Variants in STON2 observed in about 807,000 individuals in gnomAD.
STON2 encodes stonin-2.
Under a neutral mutation model 65.7 loss-of-function variants are expected in STON2, and 29 were observed. The observed-to-expected ratio is 0.44, with a 90% confidence interval of 0.33 to 0.60. The LOEUF (loss-of-function observed/expected upper bound fraction) is 0.60, where lower values mean the gene tolerates loss of function less well. Among genes scored for constraint, STON2 ranks in the 20% least tolerant of loss-of-function variants. The pLI, the probability that STON2 is intolerant of heterozygous loss-of-function variation, is 0.03. For synonymous variants in STON2, 404 were observed against 414.2 expected (o/e 0.98, Z 0.30); for missense variants, 1,054 against 1,118.1 (o/e 0.94, Z 0.82).
In STON2 at chr14:81,279,505, G is replaced by A. The variant is rs114816970; in HGVS notation, c.743-766C>T. On this transcript the variant is annotated intron_variant, in intron 5 of 7. Coordinates refer to ENST00000614646, the MANE Select transcript of STON2 (RefSeq NM_001394390.1). ...GGAATTCGGCACCAGCCTGGCCAAC[G>A]TGGTGAAACCCAATGTCTACTAAAA... Among the ~76,000 whole-genome samples, 1,518 of 152,146 alleles carry A rather than the reference G, an allele frequency of 1.0e-2. 28 individuals are homozygous for A. The highest frequency in any genetic ancestry group is 0.035 in the African/African-American group (1,463 of 41,512).
At chr14:81,375,785 C>T (rs1166832621) in intron 3 of STON2, among the ~76,000 whole-genome samples, 1 of 151,396 alleles carries the variant, frequency 6.6e-6, no homozygotes, top group Non-Finnish European at 1.5e-5. Flanking sequence ...CATGCCATCA[C>T]TTGACATGAA....
At chr14:81,369,790 A>G (rs757698958) in intron 4 of STON2, among the ~76,000 whole-genome samples, 12 of 152,216 alleles carry the variant, frequency 7.9e-5, no homozygotes, top group Non-Finnish European at 1.5e-4. Flanking sequence ...GGGGGCCCAG[A>G]GCAATGAAAA....
intron 5 of STON2, among the ~76,000 whole-genome samples, chr14:81,296,742 GTA>G (rs1895775833): frequency 6.6e-6 from 1 of 152,146 alleles, no homozygotes; most frequent in Non-Finnish European, 1.5e-5. Context: ...AACATGTACT[GTA>G]TAGCATAGGA....
chr14:81,381,087 TCA>T (rs1049595175), intron 3 of STON2, among the ~76,000 whole-genome samples: 1 of 152,180 alleles, frequency 6.6e-6, no homozygotes, highest in African/African-American at 2.4e-5. Flanking sequence ...TTATAAGTAT[TCA>T]TGTTAAAATA....
intron 5 of STON2, among the ~76,000 whole-genome samples, chr14:81,297,513 ACT>A (rs1895807392): frequency 6.6e-6 from 1 of 152,216 alleles, no homozygotes. Context: ...CTGTTTCCTC[ACT>A]TTTAAGGAGG....
At chr14:81,293,437 G>A (rs554896230) in intron 5 of STON2, among the ~76,000 whole-genome samples, 15 of 152,222 alleles carry the variant, frequency 9.9e-5, no homozygotes, top group Admixed American at 9.2e-4. Context: ...CTCCCAAAGT[G>A]CTGGGATTAC....
At chr14:81,415,702 TC>T (rs1901400382) in intron 2 of STON2, among the ~76,000 whole-genome samples, 2 of 150,876 alleles carry the variant, frequency 1.3e-5, no homozygotes, top group Admixed American at 1.3e-4. Context: ...CTATTGTAAT[TC>T]CTATAGCTGC....
At position 81,266,645 on chromosome 14, in the gene STON2, T is replaced by C; in HGVS notation, c.*1769A>G. 1.0e-6 allele frequency: 1 copy of C among 983,202 alleles called. No individual in the cohort carries two copies. Among genetic ancestry groups the C allele is most frequent in the South Asian group, 4.7e-5 (1 of 21,254 alleles). 60.9% of individuals were successfully genotyped at this position (983,202 alleles called of 1,614,324 possible). On this transcript the variant is annotated 3_prime_UTR_variant, in exon 8 of 8. Transcript: ENST00000614646. Reference sequence around the variant, plus strand: ...AGATATGGACTAGATGGAGGGTTAATAAAAGCATGTAAGGCTTTTATTAAC... The same window carrying C: ...AGATATGGACTAGATGGAGGGTTAACAAAAGCATGTAAGGCTTTTATTAAC...
At chr14:81,270,350 G>C in intron 7 of STON2, 2 of 1,273,408 alleles carry the variant, frequency 1.6e-6, no homozygotes, top group Non-Finnish European at 9.9e-7. Flanking sequence ...CTCCCAAAGT[G>C]CTGGGATTAC....
chr14:81,398,248 G>A, intron 2 of STON2, 47 bp downstream of exon 2: 1 of 1,362,858 alleles, frequency 7.3e-7, no homozygotes, highest in Non-Finnish European at 1.0e-6. Context: ...AAATAGACAT[G>A]GTTCTTTGAC....
chr14:81,423,353 A>G (rs1901808195), intron 2 of STON2, among the ~76,000 whole-genome samples: 1 of 152,162 alleles, frequency 6.6e-6, no homozygotes. Context: ...ATACACATAC[A>G]TGCAACATTA....
intron 4 of STON2, among the ~76,000 whole-genome samples, chr14:81,327,462 G>T (rs954238236): frequency 1.3e-5 from 2 of 151,924 alleles, no homozygotes; most frequent in African/African-American, 4.8e-5. Flanking sequence ...AAGTTTGATC[G>T]CATTTAGATT....
At chr14:81,406,721 C>A (rs1186708013) in intron 2 of STON2, among the ~76,000 whole-genome samples, 1 of 152,132 alleles carries the variant, frequency 6.6e-6, no homozygotes, top group African/African-American at 2.4e-5. Context: ...CCACCAATGT[C>A]CCCCACTATT....
intron 1 of STON2, chr14:81,427,476 C>A (rs548904824): frequency 6.6e-6 from 1 of 152,314 alleles, no homozygotes; most frequent in East Asian, 1.9e-4. Flanking sequence ...CCAAGGCCTG[C>A]TCAGGAATCG....
At chr14:81,270,607 G>C in intron 7 of STON2, 63 bp downstream of exon 7, 1 of 1,613,932 alleles carries the variant, frequency 6.2e-7, no homozygotes, top group Non-Finnish European at 8.5e-7. Flanking sequence ...GGAATAAGAG[G>C]GGGAGGGTAG....
chr14:81,306,964 G>A (rs956140826), intron 5 of STON2, among the ~76,000 whole-genome samples: 2 of 152,158 alleles, frequency 1.3e-5, no homozygotes, highest in Non-Finnish European at 1.5e-5. Context: ...ACAATAATTT[G>A]GGTGGAATAT....
At chr14:81,337,930 C>T (rs1420332838) in intron 4 of STON2, among the ~76,000 whole-genome samples, 2 of 151,304 alleles carry the variant, frequency 1.3e-5, no homozygotes, top group Non-Finnish European at 2.9e-5. Flanking sequence ...GAGACTCCAC[C>T]ATAAATAAAA....
chr14:81,372,425 G>T (rs1197333091), intron 3 of STON2, among the ~76,000 whole-genome samples: 1 of 151,918 alleles, frequency 6.6e-6, no homozygotes, highest in Non-Finnish European at 1.5e-5. Context: ...CATGGTGGCG[G>T]GCGCCTGTAA....
At chr14:81,390,124 C>T (rs1165487410) in intron 3 of STON2, among the ~76,000 whole-genome samples, 1 of 151,474 alleles carries the variant, frequency 6.6e-6, no homozygotes, top group Non-Finnish European at 1.5e-5. Context: ...GCAGGAGAAT[C>T]ACTTGAACCC....
Sources: gnomAD v4.1 joint callset for allele counts (sites outside exome capture counted in the v4.1 genomes callset) on GRCh38, gnomAD v4.1.1 for gene constraint, MANE v1.5 for transcripts, NCBI Gene and HGNC (gene_info 2026-07-23, HGNC 2026-07-21) for gene names.